The following SERINC2 variants were observed in gnomAD, a reference collection of about 807,000 sequenced individuals.
SERINC2 encodes serine incorporator 2, also known as tumor differentially expressed protein 2.
A neutral mutation model predicts 54.2 loss-of-function variants in SERINC2; 56 were observed. The ratio of observed to expected loss-of-function variants is 1.03; its 90% CI spans 0.83 to 1.29. SERINC2 has a LOEUF of 1.29. SERINC2 is among the 50% of genes most tolerant of loss of function. SERINC2 has a pLI of 0.00. For synonymous variants in SERINC2, 272 were observed against 253.1 expected, an observed-to-expected ratio of 1.07 and a Z score of -0.71; for missense variants, 614 against 607.4, an observed-to-expected ratio of 1.01 and a Z score of -0.12.
At chr1:31,430,574 G>A (rs1478097593) in intron 8 of SERINC2, among the ~76,000 whole-genome samples, 5 of 152,190 alleles carry the variant, frequency 3.3e-5, no homozygotes, top group African/African-American at 1.2e-4. Flanking sequence ...AGGAGGCCGA[G>A]GTAGGAGGAT....
chr1:31,423,597 A>G (rs1640952538), intron 1 of SERINC2, 96 bp from the exon 2 acceptor site: 15 of 1,272,028 alleles, frequency 1.2e-5, no homozygotes, highest in Non-Finnish European at 1.6e-5. Context: ...GCTCCTGCCT[A>G]GCGCAGCACA....
intron 6 of SERINC2, among the ~76,000 whole-genome samples, chr1:31,428,203 C>G (rs1641095493): frequency 6.6e-6 from 1 of 152,066 alleles, no homozygotes; most frequent in Non-Finnish European, 1.5e-5. Flanking sequence ...CCACACCCAG[C>G]TAATTTTTGT....
chr1:31,432,639 G>A (rs1641341811), intron 8 of SERINC2, among the ~76,000 whole-genome samples: 1 of 152,128 alleles, frequency 6.6e-6, no homozygotes. Flanking sequence ...AGTGACTGTT[G>A]ATTGAATTTA....
intron 1 of SERINC2, among the ~76,000 whole-genome samples, chr1:31,415,085 G>C (rs1553132053): frequency 6.6e-6 from 1 of 152,212 alleles, no homozygotes. Context: ...TCTGTTTACA[G>C]ATGAGAAGAC....
At position 31,425,529 on chromosome 1, in the gene SERINC2, T is replaced by C. The variant is rs1201302501; in HGVS notation, c.472+120T>C. The stretch of plus-strand genomic sequence containing the variant: ...CACAGACCCCTGGCTGCTGGCTAGG[T>C]CCTCGCTCCCCACCCGTGAGACAGC... On this transcript the variant is annotated intron_variant, in intron 4 of 9. Transcript: ENST00000373709. 4 of 915,028 alleles carry C rather than the reference T, an allele frequency of 4.4e-6. No homozygotes were observed. In the East Asian group the frequency reaches 9.6e-5, roughly 22 times the overall value. The allele number at this position is 915,028 out of a possible 1,614,324, so 56.7% of individuals were successfully genotyped here.
chr1:31,429,102 C>T (rs372748202), intron 7 of SERINC2, 34 bp downstream of exon 7: 2 of 1,574,040 alleles, frequency 1.3e-6, no homozygotes, highest in African/African-American at 1.3e-5. Flanking sequence ...GAGGCCTGGC[C>T]TCGTTCCTGG....
intron 6 of SERINC2, 70 bp from the exon 7 acceptor site, chr1:31,428,908 G>T: frequency 7.9e-7 from 1 of 1,271,950 alleles, no homozygotes; most frequent in Non-Finnish European, 1.1e-6. Flanking sequence ...CCCTTGGCTG[G>T]TGTGAGTGGG....
chr1:31,413,305 G>T lies in SERINC2; in HGVS notation c.39+1G>T, dbSNP rs1553131733. The T allele has an allele frequency of 7.8e-7, 1 of 1,275,030 alleles. No individual in the cohort carries two copies. Among genetic ancestry groups the T allele is most frequent in the Non-Finnish European group, 9.9e-7 (1 of 1,012,740 alleles). The allele number at this position is 1,275,030 out of a possible 1,614,324, so 79.0% of individuals were successfully genotyped here. Reference sequence around the variant, plus strand: ...GGGAGCCTGCTCCCTGCTCAGCTGCGTGAGTCCCGACCCCGGCGCCCGCCC... The same window carrying T: ...GGGAGCCTGCTCCCTGCTCAGCTGCTTGAGTCCCGACCCCGGCGCCCGCCC... On this transcript the variant is annotated splice_donor_variant, in intron 1 of 9. Transcript: ENST00000373709. LOFTEE classifies it high-confidence loss of function. This position sits in a 1 kb window ranked among gnomAD's most constrained non-coding sequence, Gnocchi z 5.0.
At position 31,433,042 on chromosome 1, in the gene SERINC2, A is replaced by ACAGCAGCAG. The variant is rs3050461; in HGVS notation, c.1096_1104dup (p.Gln366_Gln368dup). ...AGTGCCCACCTATGCTAGACGCCAC[A>ACAGCAGCAG]CAGCAGCAGCAGCAGGTGGCAGCCT... On this transcript the variant is annotated inframe_insertion, in exon 9 of 10. Coordinates refer to ENST00000373709, the MANE Select transcript of SERINC2 (RefSeq NM_178865.5). 2 of 1,457,282 alleles carry ACAGCAGCAG rather than the reference A, an allele frequency of 1.4e-6. No individual in the cohort carries two copies. Among genetic ancestry groups the ACAGCAGCAG allele is most frequent in the East Asian group, 2.3e-5 (1 of 43,030 alleles). The allele number at this position is 1,457,282 out of a possible 1,614,324, so 90.3% of individuals were successfully genotyped here.
rs1553135320 is a variant in SERINC2, at chr1:31,434,126, G to C, written c.1295G>C (p.Ser432Thr). 6.2e-7 allele frequency: 1 copy of C among 1,613,998 alleles called. No individual in the cohort carries two copies. The highest frequency in any genetic ancestry group is 1.7e-5 in the Admixed American group (1 of 60,002). ...WTAVWVKICA[S>T]WAGLLLYLWT... ...GCCGTGTGGGTGAAGATCTGTGCCA[G>C]CTGGGCAGGGCTGCTCCTCTACCTG... Residue 432 changes from serine (S) to threonine (T), a missense_variant, in exon 10 of 10, where the codon AGC (serine) becomes ACC (threonine). By Grantham distance (58) the Ser-to-Thr change is moderately conservative. Coordinates refer to ENST00000373709, the MANE Select transcript of SERINC2 (RefSeq NM_178865.5).
intron 1 of SERINC2, chr1:31,414,326 T>G: frequency 4.8e-6 from 6 of 1,237,748 alleles, no homozygotes; most frequent in Admixed American, 4.2e-5. Flanking sequence ...GGCAGCCCCC[T>G]CCCCCTCTGG....
At position 31,417,586 on chromosome 1, in the gene SERINC2, G is replaced by A. The variant is rs186277589; in HGVS notation, c.39+4282G>A. Among the ~76,000 whole-genome samples, 114 of 152,234 alleles carry A rather than the reference G, an allele frequency of 7.5e-4. No individual in the cohort carries two copies. In the Middle Eastern group the frequency reaches 0.017, roughly 23 times the overall value. On this transcript the variant is annotated intron_variant, in intron 1 of 9. Coordinates refer to ENST00000373709, the MANE Select transcript of SERINC2 (RefSeq NM_178865.5). ...TGTACCATTTTAACAATTTTTAAGTGTAGCATTAAGTACATTGACACTGTT... is the reference window on the plus strand; with the variant it reads ...TGTACCATTTTAACAATTTTTAAGTATAGCATTAAGTACATTGACACTGTT...
chr1:31,419,173 T>G (rs1435313642), intron 1 of SERINC2, among the ~76,000 whole-genome samples: 1 of 152,158 alleles, frequency 6.6e-6, no homozygotes, highest in Non-Finnish European at 1.5e-5. Flanking sequence ...CAGTCTGCCT[T>G]CCTTTCACAC....
intron 8 of SERINC2, among the ~76,000 whole-genome samples, chr1:31,432,086 GGGTGGACAGGGTGGAC>G (rs1557501094): frequency 1.1e-4 from 14 of 123,448 alleles, no homozygotes; most frequent in Admixed American, 2.3e-4. Flanking sequence ...AGGGTGGTTA[GGGTGGACAGGGTGGAC>G]AGGGTGGATA....
At chr1:31,410,239 C>T, upstream of SERINC2, 1 of 1,469,924 alleles carries the variant, frequency 6.8e-7, no homozygotes, top group Non-Finnish European at 9.0e-7. Context: ...TACTCTGGCC[C>T]CATGCAGGAG....
rs781892625 is a variant in SERINC2, at chr1:31,424,842, A to C, written c.361A>C (p.Ser121Arg). The C allele has an allele frequency of 1.2e-6, 2 of 1,611,772 alleles. No individual in the cohort carries two copies. The highest frequency in any genetic ancestry group is 3.3e-5 in the Admixed American group (2 of 59,884). Residue 121 changes from serine to arginine, a missense_variant, in exon 3 of 10, where the codon AGC becomes CGC. Ser to Arg is a moderately radical substitution (Grantham distance 110). Coordinates refer to ENST00000373709, the MANE Select transcript of SERINC2 (RefSeq NM_178865.5). ...FTLLMLCVSS[S>R]RDPRAAIQNG... is the part of the protein sequence containing the mutation. ...CCTGCTCATGCTCTGCGTGAGCAGC[A>C]GCCGGGACCCCCGGGCTGCCATCCA... is the stretch of plus-strand genomic sequence containing the variant.
intron 1 of SERINC2, among the ~76,000 whole-genome samples, chr1:31,416,988 G>A (rs1375092617): frequency 6.6e-6 from 1 of 152,168 alleles, no homozygotes; most frequent in Non-Finnish European, 1.5e-5. Flanking sequence ...CCAAAGTGCT[G>A]GGATTACAGG....
intron 1 of SERINC2, among the ~76,000 whole-genome samples, chr1:31,420,972 C>T (rs1300588741): frequency 1.3e-5 from 2 of 152,128 alleles, no homozygotes; most frequent in Non-Finnish European, 2.9e-5. Context: ...CTAACTGATA[C>T]CCAGAATGTT....
chr1:31,414,048 G>T (rs1249720224), intron 1 of SERINC2: 5 of 1,514,384 alleles, frequency 3.3e-6, no homozygotes, highest in Non-Finnish European at 3.5e-6. Flanking sequence ...TTTCTTAGCT[G>T]CCCTCGAGTG....
Sources: allele counts gnomAD v4.1 joint callset (sites outside exome capture counted in the v4.1 genomes callset), GRCh38; gene constraint gnomAD v4.1.1; non-coding constraint Gnocchi (gnomAD v3.1); transcripts MANE v1.5; gene names NCBI Gene and HGNC (gene_info 2026-07-23, HGNC 2026-07-21).